SPART: variants seen among roughly 807,000 people sequenced by gnomAD.
SPART encodes the protein spartin, also known as spastic paraplegia 20 (Troyer syndrome).
SPART carries 35 observed loss-of-function variants against 58.7 expected under a neutral mutation model. The observed-to-expected ratio is 0.60, with a 90% CI of 0.46 to 0.79. SPART has a LOEUF of 0.79. SPART is among the 30% of genes least tolerant of loss of function. The pLI is 0.00. For missense variants in SPART, 730 were observed against 786.1 expected, an observed-to-expected ratio of 0.93 and a Z score of 0.85; for synonymous variants, 284 against 280.7, an observed-to-expected ratio of 1.01 and a Z score of -0.12.
In SPART at chr13:36,331,573, T is replaced by A; in HGVS notation, c.834A>T (p.Leu278=). ...TCAGAACCGGAGATCTATCAGGAACTAGAGGATATAACCAGTCACAAACCT... is the reference window on the plus strand; with the variant it reads ...TCAGAACCGGAGATCTATCAGGAACAAGAGGATATAACCAGTCACAAACCT... ...FLQVCDWLYP[L]VPDRSPVLKC... The change falls in exon 3 of 9, where the codon CTA becomes CTT. Residue 278 remains leucine, a synonymous_variant. Transcript: ENST00000438666. 2 of 1,613,820 alleles carry A rather than the reference T, an allele frequency of 1.2e-6. No homozygotes were observed. The highest frequency in any genetic ancestry group is 1.7e-6 in the Non-Finnish European group (2 of 1,179,900).
chr13:36,360,916 A>C (rs932775316), intron 1 of SPART, among the ~76,000 whole-genome samples: 1 of 152,206 alleles, frequency 6.6e-6, no homozygotes, highest in Non-Finnish European at 1.5e-5. Context: ...GATGCCATGC[A>C]GGCTCTAAAG....
In SPART at chr13:36,314,372, A is replaced by G. The variant is rs754275160; in HGVS notation, c.1338T>C (p.Gly446=). The change falls in exon 6 of 9, where the codon GGT becomes GGC. Residue 446 remains glycine, a synonymous_variant. Coordinates refer to ENST00000438666, the MANE Select transcript of SPART (RefSeq NM_015087.5). ...TAGAAGCACCTTTCTGGATTGCCTT[A>G]CCAGTAATCTCAGCACCTTTGACTA... is the stretch of plus-strand genomic sequence containing the variant. ...WGLVKGAEIT[G]KAIQKGASKL... 6.2e-7 allele frequency: 1 copy of G among 1,614,128 alleles called. No homozygotes were observed. The highest frequency in any genetic ancestry group is 8.5e-7 in the Non-Finnish European group (1 of 1,180,010).
intron 1 of SPART, among the ~76,000 whole-genome samples, chr13:36,339,627 CAAAAAAA>C (rs71084420): frequency 1.8e-4 from 7 of 38,808 alleles, no homozygotes; most frequent in African/African-American, 5.0e-4. Context: ...ACGACTCCAT[CAAAAAAA>C]AAAAAAAAAA....
rs117284397 is a variant in SPART, at chr13:36,354,901, A to G, written c.-3+15188T>C. On this transcript the variant is annotated intron_variant, in intron 1 of 8. Transcript: ENST00000355182. Reference sequence around the variant, plus strand: ...AAATTTCAGTTTTGGCATACTTTTAATAATAGCTGAAGAGGAAACTAGACC... The same window carrying G: ...AAATTTCAGTTTTGGCATACTTTTAGTAATAGCTGAAGAGGAAACTAGACC... Among the ~76,000 whole-genome samples, 69 of 152,338 alleles carry G rather than the reference A, an allele frequency of 4.5e-4. No individual in the cohort carries two copies. In the East Asian group the frequency reaches 0.012, roughly 27 times the overall value.
chr13:36,303,756 A>G lies in SPART; in HGVS notation c.*609T>C, dbSNP rs1231626794. 6.5e-6 allele frequency: 1 copy of G among 153,318 alleles called. No individual in the cohort carries two copies. The highest frequency in any genetic ancestry group is 1.5e-5 in the Non-Finnish European group (1 of 68,588). The allele number at this position is 153,318 out of a possible 1,614,324, so 9.5% of individuals were successfully genotyped here. On this transcript the variant is annotated 3_prime_UTR_variant, in exon 9 of 9. Transcript: ENST00000438666. Reference sequence around the variant, plus strand: ...TATTTTTATTTATTTTAAATCAAAGAGACCATTCCATTTCCTAACAAACAG... The same window carrying G: ...TATTTTTATTTATTTTAAATCAAAGGGACCATTCCATTTCCTAACAAACAG...
intron 2 of SPART, among the ~76,000 whole-genome samples, chr13:36,332,440 G>A (rs1368055981): frequency 6.6e-6 from 1 of 152,190 alleles, no homozygotes; most frequent in Non-Finnish European, 1.5e-5. Flanking sequence ...GGAGGTGGAA[G>A]TTGCAGTGAG....
Position 36,335,354 on chromosome 13 carries a change from CAG to C in SPART, c.475_476del (p.Leu159ValfsTer21), listed in dbSNP as rs1480709252. On this transcript the variant is annotated frameshift_variant, in exon 2 of 9. Transcript: ENST00000438666. LOFTEE classifies it high-confidence loss of function. ...CTGGACAACTTTGTGATGGTAAAGA[CAG>C]AGAAGCAGGTGCAGCAACTGCCCCT... ...SAGAVAAPAS[L>X]SLPSQSCPAE... The C allele has an allele frequency of 3.1e-6, 5 of 1,613,998 alleles. No individual in the cohort carries two copies. The highest frequency in any genetic ancestry group is 1.7e-5 in the Admixed American group (1 of 59,990).
chr13:36,330,380 C>T (rs985375100), intron 3 of SPART, among the ~76,000 whole-genome samples: 3 of 151,850 alleles, frequency 2.0e-5, no homozygotes, highest in Non-Finnish European at 4.4e-5. Flanking sequence ...GTTTGTTGAC[C>T]ACCAGGTAGG....
chr13:36,365,651 G>C (rs1192284280), intron 1 of SPART: 1 of 459,530 alleles, frequency 2.2e-6, no homozygotes, highest in Non-Finnish European at 4.5e-6. Context: ...TTTTGACTTT[G>C]TAAGGGTGAG....
chr13:36,338,887 G>A (rs1884283595), intron 1 of SPART, among the ~76,000 whole-genome samples: 1 of 152,114 alleles, frequency 6.6e-6, no homozygotes, highest in East Asian at 1.9e-4. Flanking sequence ...AACTGTCCAA[G>A]CAATTCACCG....
intron 2 of SPART, among the ~76,000 whole-genome samples, chr13:36,334,259 T>C (rs569491454): frequency 2.6e-5 from 4 of 152,286 alleles, no homozygotes; most frequent in East Asian, 3.9e-4. Flanking sequence ...AGTACCTCAC[T>C]AAATCCACAG....
intron 1 of SPART, among the ~76,000 whole-genome samples, chr13:36,351,903 G>A (rs902644244): frequency 2.0e-5 from 3 of 152,178 alleles, no homozygotes; most frequent in African/African-American, 2.4e-5. Context: ...ATCACATAAT[G>A]ATGAATATCA....
rs973569009 is a variant in SPART at position 36,346,243 on chromosome 13, G to A, written c.-21C>T. 7.4e-6 allele frequency: 1 copy of A among 134,660 alleles called. No individual in the cohort carries two copies. Among genetic ancestry groups the A allele is most frequent in the Non-Finnish European group, 1.5e-5 (1 of 64,544 alleles). 8.3% of individuals were successfully genotyped at this position (134,660 alleles called of 1,614,324 possible). A position where few individuals can be genotyped will look rare whatever the true frequency, so the allele number is the denominator to read the frequency against. ...GCCCCACCTGCGCCTTCCAGACCTCGGGCGCCCCGGCGTTGCCTCGAGAGC... is the reference window on the plus strand; with the variant it reads ...GCCCCACCTGCGCCTTCCAGACCTCAGGCGCCCCGGCGTTGCCTCGAGAGC... On this transcript the variant is annotated 5_prime_UTR_variant, in exon 1 of 9. Coordinates refer to ENST00000438666, the MANE Select transcript of SPART (RefSeq NM_015087.5).
At chr13:36,346,718 C>CG (rs1205075223), upstream of SPART, 1 of 152,968 alleles carries the variant, frequency 6.5e-6, no homozygotes, top group African/African-American at 2.4e-5. Context: ...GCAGACCCCC[C>CG]CAGGCACGGT....
intron 5 of SPART, among the ~76,000 whole-genome samples, chr13:36,321,568 C>A (rs1325926271): frequency 6.6e-6 from 1 of 152,074 alleles, no homozygotes. Context: ...CAAGACCTCC[C>A]TTCAGCTTAA....
chr13:36,321,189 CTG>C (rs938732680), intron 5 of SPART, among the ~76,000 whole-genome samples: 4 of 152,180 alleles, frequency 2.6e-5, no homozygotes, highest in African/African-American at 9.7e-5. Context: ...CTACTATCTT[CTG>C]TCTACTCATA....
intron 5 of SPART, among the ~76,000 whole-genome samples, chr13:36,324,381 G>T (rs1238962279): frequency 6.6e-6 from 1 of 152,128 alleles, no homozygotes; most frequent in Non-Finnish European, 1.5e-5. Flanking sequence ...GCCACAAGAG[G>T]CCATGTGTAG....
chr13:36,309,383 T>C (rs1220636225), intron 8 of SPART, among the ~76,000 whole-genome samples: 1 of 152,144 alleles, frequency 6.6e-6, no homozygotes, highest in African/African-American at 2.4e-5. Flanking sequence ...GGAATTACCA[T>C]TTGATACCCA....
intron 1 of SPART, among the ~76,000 whole-genome samples, chr13:36,342,408 A>G (rs987368459): frequency 6.6e-6 from 1 of 152,214 alleles, no homozygotes; most frequent in African/African-American, 2.4e-5. Flanking sequence ...CATGGCCCCA[A>G]AAGCCTAAAA....
Sources: gnomAD v4.1 joint callset for allele counts (sites outside exome capture counted in the v4.1 genomes callset) on GRCh38, gnomAD v4.1.1 for gene constraint, MANE v1.5 for transcripts, NCBI Gene and HGNC (gene_info 2026-07-23, HGNC 2026-07-21) for gene names.